Variants in SYNE1 observed in about 807,000 individuals in gnomAD.
SYNE1 encodes the protein spectrin repeat containing nuclear envelope protein 1.
A neutral mutation model predicts 1,111.0 loss-of-function variants in SYNE1; 616 were observed. The ratio of observed to expected loss-of-function variants is 0.55; its 90% CI spans 0.52 to 0.59. The LOEUF (loss-of-function observed/expected upper bound fraction) is 0.59. Ranked by LOEUF, SYNE1 falls within the 20% of genes least tolerant of loss-of-function variation. SYNE1 has a pLI of 0.00. For missense variants in SYNE1, 10,006 were observed against 10,417.0 expected (o/e 0.96, Z 1.72); for synonymous variants, 3,855 against 3,825.8 (o/e 1.01, Z -0.28).
intron 51 of SYNE1, among the ~76,000 whole-genome samples, chr6:152,392,742 T>C (rs2097665556): frequency 6.6e-6 from 1 of 152,208 alleles, no homozygotes; most frequent in South Asian, 2.1e-4. Flanking sequence ...ATTATACTTG[T>C]TATCTGTTTG....
At chr6:152,281,703 G>A in intron 97 of SYNE1, 104 bp downstream of exon 97, 1 of 1,257,558 alleles carries the variant, frequency 8.0e-7, no homozygotes, top group African/African-American at 1.5e-5. Flanking sequence ...TATGGGTTGG[G>A]AAAAATCATA....
At chr6:152,294,240 G>A in intron 93 of SYNE1, 113 bp from the exon 94 acceptor site, 1 of 1,068,458 alleles carries the variant, frequency 9.4e-7, no homozygotes, top group East Asian at 2.5e-5. Context: ...ACCTTTCATG[G>A]GGCACTACAA....
intron 93 of SYNE1, among the ~76,000 whole-genome samples, chr6:152,295,975 ATGCACT>A (rs1248325857): frequency 6.6e-6 from 1 of 152,212 alleles, no homozygotes; most frequent in African/African-American, 2.4e-5. Context: ...TCACACGTGA[ATGCACT>A]TGCACACACA....
intron 37 of SYNE1, 135 bp downstream of exon 37, chr6:152,428,070 T>C: frequency 7.8e-7 from 1 of 1,281,028 alleles, no homozygotes; most frequent in Non-Finnish European, 1.1e-6. Context: ...ATAACAAAGA[T>C]CAAGAGTTTC....
intron 132 of SYNE1, among the ~76,000 whole-genome samples, chr6:152,155,679 G>A (rs375578573): frequency 1.3e-5 from 2 of 152,038 alleles, no homozygotes; most frequent in South Asian, 2.1e-4. Flanking sequence ...TTATGTTTCC[G>A]TATTATATTT....
At chr6:152,235,435 C>T (rs1477506585) in intron 110 of SYNE1, among the ~76,000 whole-genome samples, 1 of 152,136 alleles carries the variant, frequency 6.6e-6, no homozygotes, top group Non-Finnish European at 1.5e-5. Flanking sequence ...AATCTTGGCT[C>T]ACTGCAACCT....
intron 145 of SYNE1, 97 bp from the exon 146 acceptor site, chr6:152,122,773 C>G (rs1038939557): frequency 6.3e-7 from 1 of 1,577,656 alleles, no homozygotes; most frequent in Non-Finnish European, 8.6e-7. Context: ...AAGGGCCATG[C>G]CAAGCACACC....
Position 152,211,599 on chromosome 6 carries a change from A to C in SYNE1, c.22495-11T>G. The C allele has an allele frequency of 9.3e-6, 15 of 1,610,020 alleles. No homozygotes were observed. Among genetic ancestry groups the C allele is most frequent in the Non-Finnish European group, 1.3e-5 (15 of 1,176,916 alleles). On this transcript the variant is annotated splice_polypyrimidine_tract_variant and intron_variant, in intron 123 of 145. Transcript: ENST00000367255. ...CTCGGCTTGAAACAACTATAATTTAAAAAAAAGAAGAACATACTTTAGAGT... is the reference window on the plus strand; with the variant it reads ...CTCGGCTTGAAACAACTATAATTTACAAAAAAGAAGAACATACTTTAGAGT...
Position 152,135,269 on chromosome 6 carries a change from AT to A in SYNE1, c.25660-38del, listed in dbSNP as rs148417257. On this transcript the variant is annotated intron_variant, in intron 141 of 145. Transcript: ENST00000367255. ...AGTTTAAAGTAACTGTAAATAAAAT[AT>A]TTTTATTTCTCTCAAAACTTAAATG... is the stretch of plus-strand genomic sequence containing the variant. 2.2e-3 allele frequency: 3,479 copies of A among 1,599,688 alleles called. 48 individuals are homozygous for A. In the African/African-American group the frequency reaches 0.034, roughly 16 times the overall value.
chr6:152,605,772 G>A (rs2099613146), intron 3 of SYNE1, among the ~76,000 whole-genome samples: 1 of 152,018 alleles, frequency 6.6e-6, no homozygotes. Flanking sequence ...CATCTTTAAA[G>A]GTATTTTTAT....
chr6:152,484,463 G>T (rs571907695), intron 13 of SYNE1, among the ~76,000 whole-genome samples: 1 of 152,312 alleles, frequency 6.6e-6, no homozygotes, highest in African/African-American at 2.4e-5. Context: ...TAGAATACAA[G>T]AAGTTGCTGT....
intron 140 of SYNE1, 109 bp from the exon 141 acceptor site, chr6:152,136,927 A>G: frequency 1.6e-6 from 2 of 1,252,392 alleles, no homozygotes; most frequent in East Asian, 4.8e-5. Flanking sequence ...ACTGGCCTTA[A>G]CAGGATGGCT....
At chr6:152,373,425 G>C (rs919927252) in intron 58 of SYNE1, among the ~76,000 whole-genome samples, 14 of 151,942 alleles carry the variant, frequency 9.2e-5, no homozygotes, top group Non-Finnish European at 1.8e-4. Context: ...GACTACAGGT[G>C]CATGCTGCCA....
At chr6:152,329,233 T>A (rs2096177460) in intron 78 of SYNE1, among the ~76,000 whole-genome samples, 1 of 151,962 alleles carries the variant, frequency 6.6e-6, no homozygotes. Context: ...CATAAACAAT[T>A]AAAATCACCT....
chr6:152,527,633 T>A (rs1361447660), intron 4 of SYNE1, among the ~76,000 whole-genome samples: 1 of 152,202 alleles, frequency 6.6e-6, no homozygotes, highest in Non-Finnish European at 1.5e-5. Context: ...GTACCCAAAT[T>A]ATTTAAATCA....
chr6:152,242,547 C>T, intron 106 of SYNE1, 107 bp from the exon 107 acceptor site: 1 of 1,243,928 alleles, frequency 8.0e-7, no homozygotes. Flanking sequence ...CAAGAAAATG[C>T]CTTCAGGGAT....
chr6:152,247,727 T>TTATATA lies in SYNE1; in HGVS notation c.19572+1428_19572+1433dup, dbSNP rs1183787546. On this transcript the variant is annotated intron_variant, in intron 105 of 145. Transcript: ENST00000367255. ...TCCATATTAAAATATATATTTTTTA[T>TTATATA]TATATATATATATATATATATATAC... Among the ~76,000 whole-genome samples the TTATATA allele has an allele frequency of 9.4e-3, 1,107 of 117,632 alleles. 12 individuals carry two copies. The highest frequency in any genetic ancestry group is 0.028 in the African/African-American group (790 of 28,632). 77.2% of individuals were successfully genotyped at this position (117,632 alleles called of 152,430 possible). A position where few individuals can be genotyped will look rare whatever the true frequency, so the allele number is the denominator to read the frequency against.
At chr6:152,214,180 T>TA (rs2078112932) in intron 122 of SYNE1, among the ~76,000 whole-genome samples, 1 of 131,862 alleles carries the variant, frequency 7.6e-6, no homozygotes, top group Admixed American at 8.3e-5. Flanking sequence ...GTGACAAGAA[T>TA]GAAACTCCGT....
At position 152,398,770 on chromosome 6, in the gene SYNE1, C is replaced by T. The variant is rs769666331; in HGVS notation, c.7238-39G>A. 4 of 1,540,528 alleles carry T rather than the reference C, an allele frequency of 2.6e-6. No individual in the cohort carries two copies. In the South Asian group the frequency reaches 3.5e-5, roughly 13 times the overall value. Reference sequence around the variant, plus strand: ...AAATAAATAAATAAAAATAAAAAATCAGAAGCAAATCCAAAACATTGAATG... The same window carrying T: ...AAATAAATAAATAAAAATAAAAAATTAGAAGCAAATCCAAAACATTGAATG... On this transcript the variant is annotated intron_variant, in intron 48 of 145. Transcript: ENST00000367255.
Sources: allele counts gnomAD v4.1 joint callset (sites outside exome capture counted in the v4.1 genomes callset), GRCh38; gene constraint gnomAD v4.1.1; transcripts MANE v1.5; gene names NCBI Gene and HGNC (gene_info 2026-07-23, HGNC 2026-07-21).